The following HOMER1 variants were observed in gnomAD, a reference collection of about 807,000 sequenced individuals.
HOMER1 encodes the protein homer protein homolog 1.
A neutral mutation model predicts 48.9 loss-of-function variants in HOMER1; 3 were observed. That is an observed-to-expected ratio of 0.06 (90% confidence interval 0.03 to 0.16). HOMER1 has a LOEUF of 0.16. Ranked by LOEUF, HOMER1 falls within the 10% of genes least tolerant of loss-of-function variation. HOMER1 has a pLI of 1.00. For synonymous variants in HOMER1, 134 were observed against 146.4 expected (o/e 0.92, Z 0.61); for missense variants, 247 against 411.4 (o/e 0.60, Z 3.46).
chr5:79,504,622 A>G (rs981800831), intron 1 of HOMER1, among the ~76,000 whole-genome samples: 1 of 152,184 alleles, frequency 6.6e-6, no homozygotes, highest in Non-Finnish European at 1.5e-5. Flanking sequence ...GAGGGAAGCT[A>G]GAAAGTAACT....
intron 5 of HOMER1, among the ~76,000 whole-genome samples, chr5:79,402,565 T>C (rs1007464791): frequency 2.0e-5 from 3 of 152,166 alleles, no homozygotes; most frequent in African/African-American, 7.2e-5. Context: ...TGAAGAAATA[T>C]AAAAAGTACT....
At chr5:79,406,066 T>C (rs931225633) in intron 5 of HOMER1, among the ~76,000 whole-genome samples, 1 of 152,212 alleles carries the variant, frequency 6.6e-6, no homozygotes, top group Non-Finnish European at 1.5e-5. Context: ...TGGCGTAATT[T>C]ACAAGTTAAT....
chr5:79,387,192 A>G (rs1749141153), intron 8 of HOMER1, among the ~76,000 whole-genome samples: 1 of 151,256 alleles, frequency 6.6e-6, no homozygotes, highest in Non-Finnish European at 1.5e-5. Flanking sequence ...CAGTGGTGCA[A>G]TCATGGCTCC....
At chr5:79,506,928 T>A (rs1282873485) in intron 1 of HOMER1, among the ~76,000 whole-genome samples, 3 of 151,944 alleles carry the variant, frequency 2.0e-5, no homozygotes, top group Non-Finnish European at 4.4e-5. Context: ...TTTTACCTAC[T>A]CTTGGCAGGG....
intron 1 of HOMER1, among the ~76,000 whole-genome samples, chr5:79,491,061 C>T (rs1752258596): frequency 2.0e-5 from 2 of 97,738 alleles, no homozygotes; most frequent in African/African-American, 7.4e-5. Flanking sequence ...TTTTGGCCTT[C>T]AGTAGTACCA....
chr5:79,460,716 G>T (rs1180688460), intron 1 of HOMER1, among the ~76,000 whole-genome samples: 1 of 152,118 alleles, frequency 6.6e-6, no homozygotes, highest in African/African-American at 2.4e-5. Flanking sequence ...CACAATGAGG[G>T]AAACTGCTAT....
chr5:79,512,659 C>G (rs543516758), intron 1 of HOMER1, 111 bp downstream of exon 1: 1 of 1,039,988 alleles, frequency 9.6e-7, no homozygotes, highest in East Asian at 2.5e-5. Flanking sequence ...GTATGACCAG[C>G]TTAGCAAGGT....
At chr5:79,508,244 AAATT>A (rs1475201522) in intron 1 of HOMER1, among the ~76,000 whole-genome samples, 2 of 152,254 alleles carry the variant, frequency 1.3e-5, no homozygotes, top group East Asian at 1.9e-4. Context: ...GTCATTAAAT[AAATT>A]GAGTGGGTCA....
chr5:79,452,348 A>T (rs577865541), intron 2 of HOMER1, among the ~76,000 whole-genome samples: 3 of 152,352 alleles, frequency 2.0e-5, no homozygotes, highest in African/African-American at 7.2e-5. Context: ...TCACCATAAT[A>T]AATTTCAATT....
chr5:79,401,698 C>CA (rs1470678393), intron 6 of HOMER1, among the ~76,000 whole-genome samples: 1 of 152,144 alleles, frequency 6.6e-6, no homozygotes, highest in Admixed American at 6.5e-5. Flanking sequence ...TTGTTGACTT[C>CA]AAAAGGCGTA....
chr5:79,384,416 T>C (rs913542398), intron 8 of HOMER1, among the ~76,000 whole-genome samples: 1 of 152,238 alleles, frequency 6.6e-6, no homozygotes, highest in South Asian at 2.1e-4. Flanking sequence ...TATGGATGAA[T>C]TCCTGGAAAC....
intron 4 of HOMER1, among the ~76,000 whole-genome samples, chr5:79,442,797 G>C (rs1474039023): frequency 6.6e-6 from 1 of 152,192 alleles, no homozygotes; most frequent in African/African-American, 2.4e-5. Flanking sequence ...TCCCATGGCA[G>C]TGAGAATGGA....
At chr5:79,447,335 T>G (rs1471474314) in intron 3 of HOMER1, among the ~76,000 whole-genome samples, 190 bp from the exon 4 acceptor site, 4 of 152,240 alleles carry the variant, frequency 2.6e-5, no homozygotes, top group African/African-American at 7.2e-5. Context: ...GTCTGTGCAC[T>G]ATGAAGTATT....
intron 6 of HOMER1, among the ~76,000 whole-genome samples, chr5:79,398,895 C>T (rs1406530778): frequency 6.6e-6 from 1 of 152,174 alleles, no homozygotes; most frequent in Admixed American, 6.5e-5. Context: ...TCGGACCTAA[C>T]CGAACCCTTA....
At chr5:79,376,297 T>C in intron 8 of HOMER1, 100 bp from the exon 9 acceptor site, 1 of 850,122 alleles carries the variant, frequency 1.2e-6, no homozygotes, top group Non-Finnish European at 1.8e-6. Flanking sequence ...CAATGCAGTT[T>C]GACTGTCAGG....
intron 5 of HOMER1, among the ~76,000 whole-genome samples, chr5:79,433,219 T>C (rs1333035569): frequency 1.3e-5 from 2 of 152,154 alleles, no homozygotes; most frequent in African/African-American, 4.8e-5. Context: ...TTAACAGCCA[T>C]TCACTTTTTT....
intron 5 of HOMER1, among the ~76,000 whole-genome samples, chr5:79,411,875 T>C (rs996825559): frequency 1.3e-5 from 2 of 152,138 alleles, no homozygotes; most frequent in African/African-American, 4.8e-5. Flanking sequence ...TCCCAGCACT[T>C]TGGGAGGCCA....
At chr5:79,417,389 G>A (rs1445314402) in intron 5 of HOMER1, among the ~76,000 whole-genome samples, 1 of 152,092 alleles carries the variant, frequency 6.6e-6, no homozygotes, top group East Asian at 1.9e-4. Flanking sequence ...TGATCCGCCC[G>A]CCTCGGCCTC....
chr5:79,458,219 G>T (rs115879078), intron 1 of HOMER1, among the ~76,000 whole-genome samples: 412 of 152,128 alleles, frequency 2.7e-3, no homozygotes, highest in Non-Finnish European at 3.1e-3. Flanking sequence ...TATAATAGAA[G>T]CATCGTAATT....
Sources: gnomAD v4.1 joint callset for allele counts (sites outside exome capture counted in the v4.1 genomes callset) on GRCh38, gnomAD v4.1.1 for gene constraint, MANE v1.5 for transcripts, NCBI Gene and HGNC (gene_info 2026-07-23, HGNC 2026-07-21) for gene names.